The following FRMD4A variants were observed in gnomAD, a reference collection of about 807,000 sequenced individuals.
FRMD4A encodes the protein FERM domain-containing protein 4A.
In FRMD4A, 29 loss-of-function variants were observed where a neutral mutation model predicts 129.1. The ratio of observed to expected loss-of-function variants is 0.22; its 90% confidence interval spans 0.17 to 0.31. The LOEUF is 0.31. Ranked by LOEUF, FRMD4A falls within the 10% of genes least tolerant of loss-of-function variation. The probability of loss-of-function intolerance (pLI) is 1.00; values close to 1 mark genes in which losing one functional copy is unlikely to be tolerated. For missense variants in FRMD4A, 1,272 were observed against 1,375.8 expected (o/e 0.92, Z 1.19); for synonymous variants, 634 against 571.6 (o/e 1.11, Z -1.56).
At chr10:14,075,653 A>C (rs1264948986) in intron 2 of FRMD4A, among the ~76,000 whole-genome samples, 1 of 152,224 alleles carries the variant, frequency 6.6e-6, no homozygotes, top group Admixed American at 6.5e-5. Flanking sequence ...GGCAAATATA[A>C]GCATGTGTGG....
At position 14,176,410 on chromosome 10, in the gene FRMD4A, C is replaced by T. The variant is rs1042537234; in HGVS notation, c.45+153648G>A. 2.0e-5 allele frequency among the ~76,000 whole-genome samples: 3 copies of T among 151,572 alleles called. No homozygotes were observed. In the East Asian group the frequency reaches 5.8e-4, roughly 29 times the overall value. On this transcript the variant is annotated intron_variant, in intron 2 of 24. Transcript: ENST00000357447. ...ACTGTACACCCATGATCAACTTTCTCCTAGGAAATAAAAAACCAAAATGTC... is the reference window on the plus strand; with the variant it reads ...ACTGTACACCCATGATCAACTTTCTTCTAGGAAATAAAAAACCAAAATGTC...
chr10:14,177,322 AC>A (rs1161764750), intron 2 of FRMD4A, among the ~76,000 whole-genome samples: 2 of 151,796 alleles, frequency 1.3e-5, no homozygotes, highest in Non-Finnish European at 2.9e-5. Flanking sequence ...CTCAGCCTCC[AC>A]CATGCCCAGC....
intron 2 of FRMD4A, among the ~76,000 whole-genome samples, chr10:13,921,546 C>A (rs550702239): frequency 6.6e-6 from 1 of 152,178 alleles, no homozygotes; most frequent in African/African-American, 2.4e-5. Context: ...TAGGCATGAG[C>A]CACCATGTCT....
intron 2 of FRMD4A, among the ~76,000 whole-genome samples, chr10:14,212,552 C>A (rs1318882605): frequency 6.6e-6 from 1 of 152,182 alleles, no homozygotes; most frequent in Non-Finnish European, 1.5e-5. Flanking sequence ...ACTCTAGATG[C>A]TGGATACCAT....
chr10:13,680,657 C>T (rs757143958), intron 15 of FRMD4A, among the ~76,000 whole-genome samples: 7 of 151,766 alleles, frequency 4.6e-5, no homozygotes, highest in East Asian at 1.9e-4. Context: ...ACCTCGGAGG[C>T]GGAGGTTGCG....
At chr10:13,724,836 G>A (rs111506451) in intron 12 of FRMD4A, among the ~76,000 whole-genome samples, 1 of 152,316 alleles carries the variant, frequency 6.6e-6, no homozygotes, top group African/African-American at 2.4e-5. Context: ...AGAACAGCAG[G>A]TCGAGGAGAC....
Position 13,934,801 on chromosome 10 carries a change from C to A in FRMD4A, c.46-75889G>T, listed in dbSNP as rs553695294. ...TTCAATATCAGGTTATGAAGAGAAC[C>A]ATGTGTTGCAGTCCCTTGGGCTTCT... is the stretch of plus-strand genomic sequence containing the variant. On this transcript the variant is annotated intron_variant, in intron 2 of 24. Transcript: ENST00000357447. Among the ~76,000 whole-genome samples, 6 of 152,208 alleles carry A rather than the reference C, an allele frequency of 3.9e-5. No individual in the cohort carries two copies. In the South Asian group the frequency reaches 6.2e-4, roughly 16 times the overall value.
intron 6 of FRMD4A, among the ~76,000 whole-genome samples, chr10:13,773,260 A>G (rs1232993107): frequency 1.3e-5 from 2 of 152,196 alleles, no homozygotes; most frequent in African/African-American, 2.4e-5. Flanking sequence ...TGAGTCATAA[A>G]ACCCGACCTG....
intron 2 of FRMD4A, among the ~76,000 whole-genome samples, chr10:13,995,006 T>A (rs2095617460): frequency 6.6e-6 from 1 of 152,202 alleles, no homozygotes; most frequent in Admixed American, 6.5e-5. Context: ...GATAAAGGAT[T>A]AGGTCTTATG....
chr10:13,881,990 GGTGTGTGT>G (rs71388128), intron 2 of FRMD4A, among the ~76,000 whole-genome samples: 217 of 15,640 alleles, frequency 0.014, 1 homozygote, highest in South Asian at 0.068. Flanking sequence ...GAGAGGCAAG[GGTGTGTGT>G]GTGTGTGTGT....
At chr10:13,985,945 C>T (rs1054619379) in intron 2 of FRMD4A, among the ~76,000 whole-genome samples, 2 of 152,222 alleles carry the variant, frequency 1.3e-5, no homozygotes, top group East Asian at 3.8e-4. Flanking sequence ...CACCAACTGG[C>T]TCCAAACGAA....
intron 9 of FRMD4A, among the ~76,000 whole-genome samples, chr10:13,745,413 C>T (rs571778288): frequency 4.6e-5 from 7 of 152,304 alleles, no homozygotes; most frequent in African/African-American, 1.7e-4. Context: ...TCCTGCCACA[C>T]TCTCAGGGCA....
intron 12 of FRMD4A, among the ~76,000 whole-genome samples, chr10:13,708,441 T>C (rs879258108): frequency 6.6e-6 from 1 of 152,356 alleles, no homozygotes; most frequent in African/African-American, 2.4e-5. Context: ...ATCTGCTCTC[T>C]GGAATTTTAC....
chr10:14,076,369 A>G (rs1835602680), intron 2 of FRMD4A, among the ~76,000 whole-genome samples: 1 of 152,170 alleles, frequency 6.6e-6, no homozygotes, highest in Non-Finnish European at 1.5e-5. Flanking sequence ...GGCCAGGTGT[A>G]GTGGCTCATG....
intron 2 of FRMD4A, among the ~76,000 whole-genome samples, chr10:14,071,705 G>A (rs753202628): frequency 2.0e-5 from 3 of 152,096 alleles, no homozygotes; most frequent in Admixed American, 6.5e-5. Context: ...GGTGTTCTTG[G>A]TGGCTTAGGA....
chr10:13,789,769 ATGTGTGTGTGTGTGTG>A (rs57602565), intron 5 of FRMD4A, among the ~76,000 whole-genome samples: 2 of 130,086 alleles, frequency 1.5e-5, no homozygotes, highest in Non-Finnish European at 3.2e-5. Context: ...GCTGCTTATA[ATGTGTGTGTGTGTGTG>A]TGTGTGTGTG....
At chr10:13,654,372 CTCTT>C (rs781327091) in intron 23 of FRMD4A, 40 bp downstream of exon 23, 219 of 1,190,230 alleles carry the variant, frequency 1.8e-4, no homozygotes, top group Non-Finnish European at 2.6e-4. Context: ...GTCTATGACA[CTCTT>C]TCGAGCTGAC....
At chr10:14,187,265 C>T (rs1182816724) in intron 2 of FRMD4A, among the ~76,000 whole-genome samples, 2 of 152,142 alleles carry the variant, frequency 1.3e-5, no homozygotes, top group Admixed American at 6.5e-5. Context: ...AGCCTAACTC[C>T]ATGATATCAG....
Position 13,657,125 on chromosome 10 carries a change from G to T in FRMD4A, c.2464C>A (p.Leu822Met). The T allele has an allele frequency of 6.5e-7, 1 of 1,535,054 alleles. No individual in the cohort carries two copies. The highest frequency in any genetic ancestry group is 1.9e-5 in the Admixed American group (1 of 52,538). Reference protein sequence around the residue: ...GAGGAGGGVYLHSQSQPSSQY... With the variant: ...GAGGAGGGVYMHSQSQPSSQY... Reference sequence around the variant, plus strand: ...GAGCTGGGCTGGCTCTGGCTGTGCAGGTACACACCGCCCCCCGCGCCCCCC... The same window carrying T: ...GAGCTGGGCTGGCTCTGGCTGTGCATGTACACACCGCCCCCCGCGCCCCCC... Residue 822 changes from leucine to methionine, a missense_variant, in exon 22 of 25, where the codon CTG (leucine) becomes ATG (methionine). Physicochemically the swap from Leu to Met is conservative, Grantham distance 15. This residue lies in a region of FRMD4A where 972 missense variants were observed against 892.3 expected (regional missense o/e 1.09). Coordinates refer to ENST00000357447, the MANE Select transcript of FRMD4A (RefSeq NM_018027.5).
Sources: gnomAD v4.1 joint callset for allele counts (sites outside exome capture counted in the v4.1 genomes callset) on GRCh38, gnomAD v4.1.1 for gene constraint, gnomAD v4.1.1 regional missense constraint, MANE v1.5 for transcripts, NCBI Gene and HGNC (gene_info 2026-07-23, HGNC 2026-07-21) for gene names.